Variants in LATS2 observed in about 807,000 individuals in gnomAD.
LATS2 encodes large tumor suppressor kinase 2.
Under a neutral mutation model 76.0 loss-of-function variants are expected in LATS2, and 24 were observed. The ratio of observed to expected loss-of-function variants is 0.32; its 90% CI spans 0.23 to 0.44. The LOEUF is 0.44. Ranked by LOEUF, LATS2 falls within the 20% of genes least tolerant of loss-of-function variation. LATS2 has a pLI of 1.00. For missense variants in LATS2, 1,286 were observed against 1,481.2 expected (o/e 0.87, Z 2.16); for synonymous variants, 692 against 635.4 (o/e 1.09, Z -1.34).
chr13:21,035,902 T>A (rs768593110), intron 2 of LATS2, among the ~76,000 whole-genome samples: 1 of 152,138 alleles, frequency 6.6e-6, no homozygotes, highest in Non-Finnish European at 1.5e-5. Context: ...AAAAGCCCCC[T>A]TCCCCTTTTT....
At chr13:21,013,566 C>T (rs1246467705) in intron 2 of LATS2, among the ~76,000 whole-genome samples, 1 of 152,172 alleles carries the variant, frequency 6.6e-6, no homozygotes, top group Non-Finnish European at 1.5e-5. Flanking sequence ...GACAGAGTTC[C>T]ATGTTATCTA....
intron 2 of LATS2, among the ~76,000 whole-genome samples, chr13:20,992,865 T>G (rs1383479099): frequency 6.6e-6 from 1 of 151,880 alleles, no homozygotes; most frequent in Non-Finnish European, 1.5e-5. Context: ...TGAAATCCCG[T>G]CTCTGCTAAA....
intron 2 of LATS2, among the ~76,000 whole-genome samples, chr13:21,029,109 C>G (rs1872424601): frequency 6.6e-6 from 1 of 152,138 alleles, no homozygotes; most frequent in South Asian, 2.1e-4. Flanking sequence ...CTAGCTAGGA[C>G]CTCCAACAGA....
At chr13:20,979,455 T>C (rs534362683) in intron 7 of LATS2, among the ~76,000 whole-genome samples, 23 of 152,266 alleles carry the variant, frequency 1.5e-4, no homozygotes, top group African/African-American at 5.1e-4. Flanking sequence ...GGCCAAGGGT[T>C]TAATAGAATT....
rs968594929 is a variant in LATS2, at chr13:20,973,415, T to C, written c.*1455A>G. 4.3e-6 allele frequency: 1 copy of C among 232,104 alleles called. No individual in the cohort carries two copies. The highest frequency in any genetic ancestry group is 2.2e-5 in the African/African-American group (1 of 45,366). 14.4% of individuals were successfully genotyped at this position (232,104 alleles called of 1,614,324 possible). On this transcript the variant is annotated 3_prime_UTR_variant, in exon 8 of 8. Transcript: ENST00000382592. Reference sequence around the variant, plus strand: ...ATAATGAAAATTATGAAGCATCAGATTTTTTAAAAAGCAAAAAAGAATTGA... The same window carrying C: ...ATAATGAAAATTATGAAGCATCAGACTTTTTAAAAAGCAAAAAAGAATTGA...
intron 2 of LATS2, among the ~76,000 whole-genome samples, chr13:21,016,354 G>T (rs1041168698): frequency 6.6e-6 from 1 of 151,910 alleles, no homozygotes; most frequent in African/African-American, 2.4e-5. Context: ...CGTGATCTCG[G>T]CTCACTGCAA....
intron 2 of LATS2, among the ~76,000 whole-genome samples, chr13:21,021,790 TG>T (rs1242412823): frequency 6.6e-6 from 1 of 152,226 alleles, no homozygotes; most frequent in African/African-American, 2.4e-5. Context: ...GTGCTGCTCC[TG>T]GGGTCCACAC....
intron 2 of LATS2, among the ~76,000 whole-genome samples, chr13:20,993,149 G>A (rs1255201846): frequency 2.0e-5 from 3 of 152,010 alleles, no homozygotes; most frequent in African/African-American, 7.3e-5. Flanking sequence ...CATGGTCACA[G>A]AGCCACTCCG....
At chr13:21,050,529 T>C (rs568893804) in intron 1 of LATS2, among the ~76,000 whole-genome samples, 17 of 152,384 alleles carry the variant, frequency 1.1e-4, no homozygotes, top group African/African-American at 4.1e-4. Flanking sequence ...ACACGTAGTA[T>C]ATATATAGCA....
chr13:21,039,682 G>T (rs1456858582), intron 2 of LATS2, among the ~76,000 whole-genome samples: 1 of 152,162 alleles, frequency 6.6e-6, no homozygotes, highest in African/African-American at 2.4e-5. Flanking sequence ...CAAGATCCAG[G>T]CCTCCAGAGA....
chr13:21,002,242 A>T (rs1232816765), intron 2 of LATS2, among the ~76,000 whole-genome samples: 1 of 152,152 alleles, frequency 6.6e-6, no homozygotes, highest in Non-Finnish European at 1.5e-5. Flanking sequence ...GTCACTAAAA[A>T]TTCTGGGATG....
intron 2 of LATS2, among the ~76,000 whole-genome samples, chr13:20,999,601 G>A (rs1358804286): frequency 6.6e-6 from 1 of 151,944 alleles, no homozygotes. Flanking sequence ...CCTGTAGTCA[G>A]GAGCCAGTAT....
At chr13:21,033,847 T>C (rs1872608884) in intron 2 of LATS2, among the ~76,000 whole-genome samples, 1 of 151,976 alleles carries the variant, frequency 6.6e-6, no homozygotes, top group African/African-American at 2.4e-5. Context: ...ACAACCTTTA[T>C]TTCTATTACA....
At chr13:21,058,084 G>A (rs1873505316) in intron 1 of LATS2, among the ~76,000 whole-genome samples, 1 of 152,194 alleles carries the variant, frequency 6.6e-6, no homozygotes, top group Admixed American at 6.5e-5. Context: ...TTCAGAGAAT[G>A]TTTAGAGCTA....
intron 1 of LATS2, among the ~76,000 whole-genome samples, chr13:21,049,850 G>A (rs1243209483): frequency 1.3e-5 from 2 of 152,124 alleles, no homozygotes; most frequent in African/African-American, 2.4e-5. Context: ...GCCGGGCACT[G>A]TGGCTCATGC....
chr13:21,002,153 T>C (rs1871076079), intron 2 of LATS2, among the ~76,000 whole-genome samples: 1 of 151,814 alleles, frequency 6.6e-6, no homozygotes. Context: ...GACCTCAAGA[T>C]CCGCCCACCT....
chr13:20,994,309 C>G (rs1870645730), intron 2 of LATS2, among the ~76,000 whole-genome samples: 2 of 152,202 alleles, frequency 1.3e-5, no homozygotes, highest in South Asian at 4.1e-4. Context: ...TCCATCAACC[C>G]TTCTTTAGCA....
intron 2 of LATS2, among the ~76,000 whole-genome samples, chr13:21,003,285 C>T (rs910956919): frequency 1.3e-5 from 2 of 152,110 alleles, no homozygotes; most frequent in East Asian, 1.9e-4. Flanking sequence ...CTTGCTCTAT[C>T]GCTCAGAGTT....
intron 2 of LATS2, among the ~76,000 whole-genome samples, chr13:20,992,040 T>TG (rs1456236883): frequency 6.6e-6 from 1 of 152,110 alleles, no homozygotes; most frequent in East Asian, 1.9e-4. Flanking sequence ...ACACAGGGAC[T>TG]GGTGGCCACC....
Sources: allele counts gnomAD v4.1 joint callset (sites outside exome capture counted in the v4.1 genomes callset), GRCh38; gene constraint gnomAD v4.1.1; transcripts MANE v1.5; gene names NCBI Gene and HGNC (gene_info 2026-07-23, HGNC 2026-07-21).